Variants in TMEM45A observed in about 807,000 individuals in gnomAD.
The protein encoded by TMEM45A is DNA polymerase-transactivated protein 4.
In TMEM45A, 25 loss-of-function variants were observed where a neutral mutation model predicts 32.0. That is an observed-to-expected ratio of 0.78 (90% CI 0.57 to 1.09). The LOEUF (loss-of-function observed/expected upper bound fraction) is 1.09, where lower values mean the gene tolerates loss of function less well. TMEM45A is among the 50% of genes least tolerant of loss of function. The pLI is 0.00. For missense variants in TMEM45A, 302 were observed against 325.0 expected (o/e 0.93, Z 0.54); for synonymous variants, 122 against 114.8 (o/e 1.06, Z -0.40).
chr3:100,494,492 C>G (rs62276523), intron 1 of TMEM45A, among the ~76,000 whole-genome samples: 33,420 of 151,668 alleles, frequency 0.22, 3,989 homozygotes, highest in East Asian at 0.36. Context: ...TGTGGTGGTG[C>G]GCACCTGTAA....
rs1706194173 is a variant in TMEM45A, at chr3:100,555,303, G to T, written c.92G>T (p.Cys31Phe). ...WCTKSILKYI[C>F]KKQKRTCYLG... Reference sequence around the variant, plus strand: ...ACAAAGAGTATTCTGAAGTATATCTGCAAAAAGCAAAAGCGAACCTGCTAT... The same window carrying T: ...ACAAAGAGTATTCTGAAGTATATCTTCAAAAAGCAAAAGCGAACCTGCTAT... The change falls in exon 2 of 6, where the codon TGC (cysteine) becomes TTC (phenylalanine). Residue 31 changes from cysteine to phenylalanine, a missense_variant. Physicochemically the swap from Cys to Phe is radical, Grantham distance 205. Transcript: ENST00000323523. The T allele has an allele frequency of 1.2e-6, 2 of 1,613,852 alleles. No individual in the cohort carries two copies. The highest frequency in any genetic ancestry group is 1.3e-5 in the African/African-American group (1 of 74,902).
At chr3:100,506,103 A>G (rs2148931012) in intron 1 of TMEM45A, among the ~76,000 whole-genome samples, 1 of 152,314 alleles carries the variant, frequency 6.6e-6, no homozygotes, top group African/African-American at 2.4e-5. Flanking sequence ...TGGGGGGAAG[A>G]GAACAGAGCC....
At chr3:100,546,544 AG>A (rs1705983582) in intron 1 of TMEM45A, among the ~76,000 whole-genome samples, 1 of 152,230 alleles carries the variant, frequency 6.6e-6, no homozygotes, top group African/African-American at 2.4e-5. Flanking sequence ...GCTTATCACT[AG>A]CATCTAGACC....
At chr3:100,503,781 G>A (rs1342378954) in intron 1 of TMEM45A, among the ~76,000 whole-genome samples, 1 of 152,144 alleles carries the variant, frequency 6.6e-6, no homozygotes, top group Non-Finnish European at 1.5e-5. Context: ...TGGACAACTT[G>A]TCGGGAAGAG....
chr3:100,556,717 A>T (rs761678076), intron 2 of TMEM45A, 43 bp from the exon 3 acceptor site: 1 of 1,547,086 alleles, frequency 6.5e-7, no homozygotes, highest in Non-Finnish European at 8.8e-7. Flanking sequence ...CTTGAATTCT[A>T]TGTAAAGCAG....
intron 1 of TMEM45A, among the ~76,000 whole-genome samples, chr3:100,523,695 CCTTCTCCTCCTCCTCCTTTCTCCTCCTT>C (rs200329105): frequency 6.6e-6 from 1 of 150,744 alleles, no homozygotes; most frequent in East Asian, 2.0e-4. Context: ...TCCTCCTTCT[CCTTCTCCTCCTCCTCCTTTCTCCTCCTT>C]CTCCTCCTCC....
intron 5 of TMEM45A, among the ~76,000 whole-genome samples, chr3:100,575,967 T>G (rs1041855081): frequency 4.6e-5 from 7 of 152,216 alleles, no homozygotes; most frequent in African/African-American, 1.7e-4. Context: ...CAACTGAGCT[T>G]GGTTTCATCT....
At chr3:100,538,623 C>T (rs558421598) in intron 1 of TMEM45A, among the ~76,000 whole-genome samples, 1 of 152,178 alleles carries the variant, frequency 6.6e-6, no homozygotes, top group African/African-American at 2.4e-5. Context: ...AGAAAACTCT[C>T]TTTGTTCACA....
intron 1 of TMEM45A, among the ~76,000 whole-genome samples, chr3:100,549,326 A>G (rs757946606): frequency 6.6e-5 from 10 of 152,172 alleles, no homozygotes; most frequent in Non-Finnish European, 1.2e-4. Context: ...ACGAAAATGG[A>G]TTATCTTCTT....
intron 1 of TMEM45A, among the ~76,000 whole-genome samples, chr3:100,498,104 T>C (rs146836074): frequency 6.6e-6 from 1 of 152,300 alleles, no homozygotes; most frequent in Non-Finnish European, 1.5e-5. Context: ...CTGATGGTTT[T>C]ATAAGGGACT....
intron 5 of TMEM45A, among the ~76,000 whole-genome samples, chr3:100,569,913 T>G (rs1239335528): frequency 2.0e-5 from 3 of 152,190 alleles, no homozygotes; most frequent in Non-Finnish European, 4.4e-5. Flanking sequence ...CAATTGAGAA[T>G]GAAGCTGCAG....
chr3:100,516,852 G>A (rs114481978), intron 1 of TMEM45A, among the ~76,000 whole-genome samples: 1,871 of 152,156 alleles, frequency 0.012, 24 homozygotes, highest in Middle Eastern at 0.031. Context: ...AATGGAAAGA[G>A]GTCAACTGAG....
At chr3:100,509,444 A>G (rs1306106975) in intron 1 of TMEM45A, among the ~76,000 whole-genome samples, 1 of 152,220 alleles carries the variant, frequency 6.6e-6, no homozygotes, top group Non-Finnish European at 1.5e-5. Flanking sequence ...TATTTATCCA[A>G]AGGAAAAGAA....
chr3:100,563,881 T>C (rs1363566252), intron 4 of TMEM45A, among the ~76,000 whole-genome samples: 2 of 152,230 alleles, frequency 1.3e-5, no homozygotes, highest in Non-Finnish European at 2.9e-5. Flanking sequence ...ATTTTCCACC[T>C]GCAGTTTCTG....
At chr3:100,496,083 G>C (rs1316567574) in intron 1 of TMEM45A, among the ~76,000 whole-genome samples, 1 of 152,232 alleles carries the variant, frequency 6.6e-6, no homozygotes, top group Non-Finnish European at 1.5e-5. Context: ...GTAGAGAGGT[G>C]TGCCTGATGC....
chr3:100,556,689 C>T, intron 2 of TMEM45A, 71 bp from the exon 3 acceptor site: 1 of 1,357,864 alleles, frequency 7.4e-7, no homozygotes, highest in Non-Finnish European at 1.0e-6. Flanking sequence ...AAGCAATGGA[C>T]TAGTCCTCCT....
At position 100,555,242 on chromosome 3, in the gene TMEM45A, G is replaced by A; in HGVS notation, c.31G>A (p.Gly11Arg). Residue 11 changes from glycine to arginine, a missense_variant, in exon 2 of 6, where the codon GGA becomes AGA. By Grantham distance (125) the Gly-to-Arg change is moderately radical. Transcript: ENST00000323523. MGNFRGHALP[G>R]TFFFIIGLWW... ...GAATTTCAGAGGTCATGCCCTCCCTGGAACCTTCTTTTTTATTATTGGTCT... is the reference window on the plus strand; with the variant it reads ...GAATTTCAGAGGTCATGCCCTCCCTAGAACCTTCTTTTTTATTATTGGTCT... The A allele has an allele frequency of 6.2e-7, 1 of 1,610,574 alleles. No homozygotes were observed. Among genetic ancestry groups the A allele is most frequent in the Non-Finnish European group, 8.5e-7 (1 of 1,178,392 alleles).
At chr3:100,561,198 T>C (rs1188923110) in intron 4 of TMEM45A, among the ~76,000 whole-genome samples, 1 of 152,216 alleles carries the variant, frequency 6.6e-6, no homozygotes, top group South Asian at 2.1e-4. Context: ...CTTAGGTGAA[T>C]ATATTATGCT....
chr3:100,555,295 G>A lies in TMEM45A; in HGVS notation c.84G>A (p.Lys28=), dbSNP rs1432463681. ...GLWWCTKSIL[K]YICKKQKRTC... ...GGTGGTGTACAAAGAGTATTCTGAA[G>A]TATATCTGCAAAAAGCAAAAGCGAA... is the stretch of plus-strand genomic sequence containing the variant. The change falls in exon 2 of 6, where the codon AAG becomes AAA. Residue 28 remains lysine, a synonymous_variant. Coordinates refer to ENST00000323523, the MANE Select transcript of TMEM45A (RefSeq NM_018004.3). 2 of 1,613,856 alleles carry A rather than the reference G, an allele frequency of 1.2e-6. No individual in the cohort carries two copies. Among genetic ancestry groups the A allele is most frequent in the Non-Finnish European group, 1.7e-6 (2 of 1,179,946 alleles).
Sources: gnomAD v4.1 joint callset for allele counts (sites outside exome capture counted in the v4.1 genomes callset) on GRCh38, gnomAD v4.1.1 for gene constraint, MANE v1.5 for transcripts, NCBI Gene and HGNC (gene_info 2026-07-23, HGNC 2026-07-21) for gene names.